Variants in TBC1D5 observed in about 807,000 individuals in gnomAD.
TBC1D5 encodes TBC1 domain family member 5, also known as TBC1 domain family, member 5.
Under a neutral mutation model 100.3 loss-of-function variants are expected in TBC1D5, and 75 were observed. The ratio of observed to expected loss-of-function variants is 0.75; its 90% CI spans 0.62 to 0.91. The LOEUF (loss-of-function observed/expected upper bound fraction) is 0.91, where lower values mean the gene tolerates loss of function less well. TBC1D5 is among the 40% of genes least tolerant of loss of function. The probability of loss-of-function intolerance (pLI) is 0.00; values close to 1 mark genes in which losing one functional copy is unlikely to be tolerated. For synonymous variants in TBC1D5, 323 were observed against 325.6 expected, an observed-to-expected ratio of 0.99 and a Z score of 0.09; for missense variants, 910 against 942.4, an observed-to-expected ratio of 0.97 and a Z score of 0.45.
At chr3:17,671,846 A>G (rs1318155561) in intron 1 of TBC1D5, among the ~76,000 whole-genome samples, 2 of 152,262 alleles carry the variant, frequency 1.3e-5, no homozygotes, top group South Asian at 2.1e-4. Flanking sequence ...TTTTTGGTAC[A>G]TAACGTATTG....
At chr3:17,305,134 C>T (rs1338969116) in intron 14 of TBC1D5, among the ~76,000 whole-genome samples, 1 of 152,114 alleles carries the variant, frequency 6.6e-6, no homozygotes. Flanking sequence ...ACTGTCCCTC[C>T]ACAGTTCCCA....
intron 19 of TBC1D5, 124 bp downstream of exon 20, chr3:17,184,985 T>A (rs2068851637): frequency 4.4e-6 from 3 of 674,408 alleles, no homozygotes; most frequent in Non-Finnish European, 7.3e-6. Context: ...ATTATATAGC[T>A]GTTGTAAGGA....
At chr3:17,189,194 TA>T (rs1559377246) in intron 18 of TBC1D5, among the ~76,000 whole-genome samples, 1 of 152,236 alleles carries the variant, frequency 6.6e-6, no homozygotes, top group East Asian at 1.9e-4. Flanking sequence ...ATTCTTTCTT[TA>T]AAAAAATTTT....
At chr3:17,710,802 A>G (rs1451363367) in intron 1 of TBC1D5, among the ~76,000 whole-genome samples, 2 of 151,944 alleles carry the variant, frequency 1.3e-5, no homozygotes, top group African/African-American at 2.4e-5. Context: ...GGTTCAAGCA[A>G]TTCTCCTGCC....
chr3:17,340,594 A>G (rs2088720728), intron 13 of TBC1D5: 2 of 152,334 alleles, frequency 1.3e-5, no homozygotes, highest in South Asian at 4.1e-4. Context: ...AAATATAGCC[A>G]TGGGTTGTCA....
chr3:17,387,864 G>C (rs533015496), intron 8 of TBC1D5, among the ~76,000 whole-genome samples: 3 of 151,272 alleles, frequency 2.0e-5, no homozygotes, highest in East Asian at 1.9e-4. Context: ...GAGAAATTTA[G>C]AATTAAAACT....
At chr3:17,178,276 A>G (rs1180331400) in intron 19 of TBC1D5, among the ~76,000 whole-genome samples, 1 of 152,124 alleles carries the variant, frequency 6.6e-6, no homozygotes, top group African/African-American at 2.4e-5. Context: ...CATGTTAGCC[A>G]GGATGGTCTC....
Position 17,561,740 on chromosome 3 carries a change from A to G in TBC1D5, c.-35-53135T>C, listed in dbSNP as rs147220196. 3.1e-3 allele frequency among the ~76,000 whole-genome samples: 472 copies of G among 152,336 alleles called. 1 individual carries two copies. The highest frequency in any genetic ancestry group is 4.5e-3 in the Non-Finnish European group (305 of 68,010). On this transcript the variant is annotated intron_variant, in intron 2 of 21. Transcript: ENST00000253692. Reference sequence around the variant, plus strand: ...GACAAATCTGTTCTAAGAAAGGACAAATTTCCAAAAAGAAAGAAACTGTCC... The same window carrying G: ...GACAAATCTGTTCTAAGAAAGGACAGATTTCCAAAAAGAAAGAAACTGTCC...
intron 17 of TBC1D5, among the ~76,000 whole-genome samples, chr3:17,225,454 A>C (rs1228001835): frequency 6.6e-6 from 1 of 151,224 alleles, no homozygotes; most frequent in Non-Finnish European, 1.5e-5. Flanking sequence ...AAAAAAAAAA[A>C]AACAAAAAAC....
At chr3:17,499,575 G>A (rs1220597406) in intron 3 of TBC1D5, among the ~76,000 whole-genome samples, 1 of 147,698 alleles carries the variant, frequency 6.8e-6, no homozygotes, top group African/African-American at 2.6e-5. Context: ...CATTCCTATC[G>A]TCCCAGCTAC....
intron 18 of TBC1D5, among the ~76,000 whole-genome samples, chr3:17,197,811 C>A (rs1276993485): frequency 6.6e-6 from 1 of 152,170 alleles, no homozygotes; most frequent in Admixed American, 6.5e-5. Flanking sequence ...TTGAGGCAGG[C>A]AGGTCACTTG....
intron 13 of TBC1D5, among the ~76,000 whole-genome samples, chr3:17,313,621 C>G (rs998680286): frequency 2.0e-5 from 3 of 152,274 alleles, no homozygotes; most frequent in Admixed American, 2.0e-4. Flanking sequence ...GGGATCTTAA[C>G]TACAGTGAAT....
chr3:17,547,982 T>C (rs2096434940), intron 2 of TBC1D5, among the ~76,000 whole-genome samples: 1 of 152,210 alleles, frequency 6.6e-6, no homozygotes, highest in Admixed American at 6.5e-5. Flanking sequence ...AAACATATAG[T>C]ACTCTGTATA....
At chr3:17,457,700 T>G (rs1158495293) in intron 3 of TBC1D5, among the ~76,000 whole-genome samples, 2 of 148,856 alleles carry the variant, frequency 1.3e-5, no homozygotes, top group Non-Finnish European at 3.0e-5. Context: ...ATTTTGAGTG[T>G]TTTTTTTTTC....
chr3:17,517,890 T>C (rs1314446048), intron 2 of TBC1D5, among the ~76,000 whole-genome samples: 2 of 152,196 alleles, frequency 1.3e-5, no homozygotes, highest in African/African-American at 4.8e-5. Context: ...AAATTATATG[T>C]ATTTCTAAAT....
At chr3:17,661,929 C>T (rs1311268063) in intron 1 of TBC1D5, among the ~76,000 whole-genome samples, 3 of 152,020 alleles carry the variant, frequency 2.0e-5, no homozygotes, top group Admixed American at 6.6e-5. Context: ...CTTACTCTGT[C>T]GCCCAGGCTG....
At chr3:17,433,858 A>T (rs1319958850) in intron 3 of TBC1D5, among the ~76,000 whole-genome samples, 1 of 152,192 alleles carries the variant, frequency 6.6e-6, no homozygotes, top group East Asian at 1.9e-4. Context: ...GCATTGAGCA[A>T]TACACCCGCT....
intron 2 of TBC1D5, among the ~76,000 whole-genome samples, chr3:17,528,747 C>T (rs1325879822): frequency 1.3e-5 from 2 of 152,114 alleles, no homozygotes; most frequent in African/African-American, 4.8e-5. Context: ...TTAAGCACTA[C>T]AATATTTTGT....
intron 14 of TBC1D5, among the ~76,000 whole-genome samples, chr3:17,299,630 G>A (rs2082617738): frequency 6.6e-6 from 1 of 152,080 alleles, no homozygotes; most frequent in South Asian, 2.1e-4. Context: ...AGGGCGAGAT[G>A]GGCGGATCAC....
Sources: gnomAD v4.1 joint callset for allele counts (sites outside exome capture counted in the v4.1 genomes callset) on GRCh38, gnomAD v4.1.1 for gene constraint, MANE v1.5 for transcripts, NCBI Gene and HGNC (gene_info 2026-07-23, HGNC 2026-07-21) for gene names.